CSMD1: variants seen among roughly 807,000 people sequenced by gnomAD.
CSMD1 encodes the protein CUB and Sushi multiple domains 1, also known as CUB and sushi domain-containing protein 1.
CSMD1 carries 213 observed loss-of-function variants against 417.5 expected under a neutral mutation model. The observed-to-expected ratio is 0.51, with a 90% CI of 0.46 to 0.57. The LOEUF (loss-of-function observed/expected upper bound fraction) is 0.57, where lower values mean the gene tolerates loss of function less well. CSMD1 is among the 20% of genes least tolerant of loss of function. The pLI is 0.00. For synonymous variants in CSMD1, 2,862 were observed against 1,736.8 expected, an observed-to-expected ratio of 1.65 and a Z score of -16.11; for missense variants, 6,923 against 4,529.7, an observed-to-expected ratio of 1.53 and a Z score of -15.17.
chr8:3,305,020 CAAAGTTAAGGACTAATATTT>C (rs1291615408), intron 25 of CSMD1, among the ~76,000 whole-genome samples: 1 of 152,048 alleles, frequency 6.6e-6, no homozygotes, highest in Non-Finnish European at 1.5e-5. Context: ...TTTGTGAATT[CAAAGTTAAGGACTAATATTT>C]AATTTAATTA....
At chr8:4,017,841 T>G (rs74460035) in intron 4 of CSMD1, among the ~76,000 whole-genome samples, 5 of 152,132 alleles carry the variant, frequency 3.3e-5, no homozygotes, top group Non-Finnish European at 7.3e-5. Flanking sequence ...TTTGGGTGAC[T>G]GTATATCTGG....
chr8:3,384,623 A>C (rs1481149546), intron 18 of CSMD1, among the ~76,000 whole-genome samples: 2 of 144,270 alleles, frequency 1.4e-5, no homozygotes, highest in Non-Finnish European at 3.0e-5. Context: ...AATATTTGCA[A>C]ATTGCTATTT....
At position 4,465,076 on chromosome 8, in the gene CSMD1, C is replaced by G. The variant is rs34896983; in HGVS notation, c.303-45011G>C. On this transcript the variant is annotated intron_variant, in intron 2 of 69. Coordinates refer to ENST00000635120, the MANE Select transcript of CSMD1 (RefSeq NM_033225.6). Reference sequence around the variant, plus strand: ...GCCGAGCATTTCAGACTCAGTTTACCTGAAACGGAACGGTTTTCACTGGGA... The same window carrying G: ...GCCGAGCATTTCAGACTCAGTTTACGTGAAACGGAACGGTTTTCACTGGGA... Among the ~76,000 whole-genome samples, 5 of 152,070 alleles carry G rather than the reference C, an allele frequency of 3.3e-5. No individual in the cohort carries two copies. The East Asian group carries it at 7.7e-4, about 23-fold the overall frequency.
intron 1 of CSMD1, among the ~76,000 whole-genome samples, chr8:4,665,960 C>T (rs1268424433): frequency 6.6e-6 from 1 of 152,188 alleles, no homozygotes; most frequent in African/African-American, 2.4e-5. Flanking sequence ...TGCCACTCTG[C>T]GTTCCTATTA....
chr8:4,010,636 C>T (rs768005758), intron 4 of CSMD1, among the ~76,000 whole-genome samples: 3 of 152,080 alleles, frequency 2.0e-5, no homozygotes, highest in Non-Finnish European at 4.4e-5. Flanking sequence ...ACCCAAACAC[C>T]TAAACTCATA....
intron 49 of CSMD1, among the ~76,000 whole-genome samples, chr8:3,061,042 T>C (rs1812558744): frequency 6.6e-6 from 1 of 152,242 alleles, no homozygotes; most frequent in Non-Finnish European, 1.5e-5. Context: ...ATAGTTATTT[T>C]ATACTAATGT....
At chr8:4,387,970 T>C (rs1803569519) in intron 3 of CSMD1, among the ~76,000 whole-genome samples, 1 of 152,122 alleles carries the variant, frequency 6.6e-6, no homozygotes, top group African/African-American at 2.4e-5. Flanking sequence ...AAAATTTTAC[T>C]CTCAGAAGAC....
chr8:4,240,363 T>C (rs1018864139), intron 3 of CSMD1, among the ~76,000 whole-genome samples: 3 of 152,226 alleles, frequency 2.0e-5, no homozygotes, highest in African/African-American at 4.8e-5. Context: ...TCCTGCATTC[T>C]GGCTATGCCC....
chr8:3,112,343 T>C (rs1816568488), intron 42 of CSMD1, among the ~76,000 whole-genome samples: 1 of 152,212 alleles, frequency 6.6e-6, no homozygotes, highest in East Asian at 1.9e-4. Flanking sequence ...TCTGCTTTTC[T>C]AGTTGAATCT....
At chr8:4,167,622 C>G (rs180995888) in intron 3 of CSMD1, among the ~76,000 whole-genome samples, 1 of 152,204 alleles carries the variant, frequency 6.6e-6, no homozygotes. Context: ...ATGTGGGGGA[C>G]AGATAAATCC....
At chr8:4,365,164 A>G (rs1801992217) in intron 3 of CSMD1, among the ~76,000 whole-genome samples, 1 of 152,142 alleles carries the variant, frequency 6.6e-6, no homozygotes, top group South Asian at 2.1e-4. Context: ...TTTTATTTTG[A>G]ATTTGGTAGT....
chr8:4,160,789 C>T (rs114530351), intron 3 of CSMD1, among the ~76,000 whole-genome samples: 93 of 152,174 alleles, frequency 6.1e-4, no homozygotes, highest in African/African-American at 2.0e-3. Context: ...TCATTTTACC[C>T]GTGAAGGTGG....
intron 5 of CSMD1, among the ~76,000 whole-genome samples, chr8:3,759,676 C>A (rs1180472141): frequency 6.6e-6 from 1 of 150,388 alleles, no homozygotes; most frequent in East Asian, 2.0e-4. Context: ...AGCGGACCAC[C>A]TGAGGTCAGG....
chr8:4,209,664 C>T (rs1257542767), intron 3 of CSMD1, among the ~76,000 whole-genome samples: 1 of 152,110 alleles, frequency 6.6e-6, no homozygotes, highest in Non-Finnish European at 1.5e-5. Flanking sequence ...TGGCTTCACC[C>T]AGGAAGGAAA....
At chr8:4,855,788 T>G (rs1431571604) in intron 1 of CSMD1, among the ~76,000 whole-genome samples, 1 of 151,642 alleles carries the variant, frequency 6.6e-6, no homozygotes, top group Non-Finnish European at 1.5e-5. Context: ...CTACGTCTGA[T>G]TGGTGTACCT....
intron 2 of CSMD1, among the ~76,000 whole-genome samples, chr8:4,462,553 G>C (rs1799900425): frequency 6.6e-6 from 1 of 151,952 alleles, no homozygotes; most frequent in African/African-American, 2.4e-5. Context: ...CTTTAAAAAA[G>C]AAAAATTTCA....
chr8:4,462,586 G>C (rs1799902158), intron 2 of CSMD1, among the ~76,000 whole-genome samples: 1 of 152,132 alleles, frequency 6.6e-6, no homozygotes, highest in South Asian at 2.1e-4. Context: ...ACCTGATTCA[G>C]CACTTTCTAG....
At chr8:4,880,742 G>C (rs1013514108) in intron 1 of CSMD1, among the ~76,000 whole-genome samples, 1 of 152,062 alleles carries the variant, frequency 6.6e-6, no homozygotes, top group Admixed American at 6.5e-5. Flanking sequence ...GATAAGATGA[G>C]TTGGAACAAT....
intron 50 of CSMD1, among the ~76,000 whole-genome samples, chr8:3,035,055 G>GC (rs1810582152): frequency 3.3e-5 from 5 of 152,082 alleles, no homozygotes; most frequent in Non-Finnish European, 5.9e-5. Context: ...AGACAAAGTG[G>GC]AGTTACAGTC....
Sources: gnomAD v4.1 joint callset for allele counts (sites outside exome capture counted in the v4.1 genomes callset) on GRCh38, gnomAD v4.1.1 for gene constraint, MANE v1.5 for transcripts, NCBI Gene and HGNC (gene_info 2026-07-23, HGNC 2026-07-21) for gene names.